The following COL7A1 variants were observed in gnomAD, a reference collection of about 807,000 sequenced individuals.
COL7A1 encodes the protein collagen alpha-1(VII) chain.
In COL7A1, 296 loss-of-function variants were observed where a neutral mutation model predicts 456.2. The observed-to-expected ratio is 0.65, with a 90% CI of 0.59 to 0.71. The LOEUF (loss-of-function observed/expected upper bound fraction) is 0.71, where lower values mean the gene tolerates loss of function less well. Among genes scored for constraint, COL7A1 ranks in the 30% least tolerant of loss-of-function variants. COL7A1 has a pLI of 0.00. For synonymous variants in COL7A1, 1,464 were observed against 1,525.9 expected, an observed-to-expected ratio of 0.96 and a Z score of 0.95; for missense variants, 3,441 against 4,017.2, an observed-to-expected ratio of 0.86 and a Z score of 3.88.
rs200115635 is a variant in COL7A1, at chr3:48,590,499, A to T, written c.1866T>A (p.Pro622=). 1.4e-5 allele frequency: 22 copies of T among 1,614,058 alleles called. No homozygotes were observed. Residue 622 remains proline, a synonymous_variant, in exon 15 of 119, where the codon CCT becomes CCA. Transcript: ENST00000681320. The surrounding 1 kb of genome is among the most constrained non-coding windows in gnomAD (Gnocchi z 4.6). The part of the protein sequence containing the change: ...TRVRVAWGPV[P]GASGFRISWS... ...AGCTAATCCGAAATCCACTGGCTCCAGGGACGGGTCCCCAGGCCACCCTCA... is the reference window on the plus strand; with the variant it reads ...AGCTAATCCGAAATCCACTGGCTCCTGGGACGGGTCCCCAGGCCACCCTCA...
chr3:48,568,719 G>C lies in COL7A1; in HGVS notation c.7758+65C>G. The C allele has an allele frequency of 6.6e-7, 1 of 1,519,356 alleles. No homozygotes were observed. The highest frequency in any genetic ancestry group is 1.2e-5 in the South Asian group (1 of 83,496). 94.1% of individuals were successfully genotyped at this position (1,519,356 alleles called of 1,614,324 possible). On this transcript the variant is annotated intron_variant, in intron 104 of 118. Transcript: ENST00000681320. The surrounding 1 kb of genome is among the most constrained non-coding windows in gnomAD (Gnocchi z 5.2). ...CCCCAGCACTTAAGAGGACCCCCAG[G>C]ATATGTGTGTGTGTGATGCTGGCTC...
In COL7A1 at chr3:48,591,633, C is replaced by T; in HGVS notation, c.1507+40G>A. 1 of 1,613,592 alleles carries T rather than the reference C, an allele frequency of 6.2e-7. No homozygotes were observed. The highest frequency in any genetic ancestry group is 8.5e-7 in the Non-Finnish European group (1 of 1,179,986). On this transcript the variant is annotated intron_variant, in intron 12 of 118. Transcript: ENST00000681320. The surrounding 1 kb of genome is among the most constrained non-coding windows in gnomAD (Gnocchi z 7.0). ...GCATAGAGGCAGCCTGGGGCTCCGA[C>T]ACCTCCCCCACTCACTGGCCCAGCC... is the stretch of plus-strand genomic sequence containing the variant.
At position 48,567,064 on chromosome 3, in the gene COL7A1, G is replaced by C. The variant is rs375166730; in HGVS notation, c.8110-41C>G. ...ACAGAGTCAGTAATCAGAGGCCCCA[G>C]AGATGGACCCTCTCCCAAAGTGCAC... On this transcript the variant is annotated intron_variant, in intron 110 of 118. Coordinates refer to ENST00000681320, the MANE Select transcript of COL7A1 (RefSeq NM_000094.4). The surrounding 1 kb of genome is among the most constrained non-coding windows in gnomAD (Gnocchi z 4.3). 39 of 1,611,994 alleles carry C rather than the reference G, an allele frequency of 2.4e-5. No individual in the cohort carries two copies. The African/African-American group carries it at 4.0e-4, about 17-fold the overall frequency.
Position 48,572,470 on chromosome 3 carries a change from C to A in COL7A1, c.6936+33G>T. On this transcript the variant is annotated intron_variant, in intron 89 of 118. Coordinates refer to ENST00000681320, the MANE Select transcript of COL7A1 (RefSeq NM_000094.4). The surrounding 1 kb of genome is among the most constrained non-coding windows in gnomAD (Gnocchi z 4.6). ...GGATTCCTTGGCCCCCACCAGTTGA[C>A]CCCCCCTCACTGGCAGCCCCACACA... The A allele has an allele frequency of 6.2e-7, 1 of 1,613,014 alleles. No homozygotes were observed.
Position 48,578,021 on chromosome 3 carries a change from A to C in COL7A1, c.5532+300T>G, listed in dbSNP as rs757170549. On this transcript the variant is annotated intron_variant, in intron 65 of 118. Transcript: ENST00000681320. This position sits in a 1 kb window ranked among gnomAD's most constrained non-coding sequence, Gnocchi z 4.7. ...CTCTACTAAAAATACAAAATTAGCC[A>C]GGCATGGTGGCGCATGCCTGTAATC... Among the ~76,000 whole-genome samples, 16 of 152,138 alleles carry C rather than the reference A, an allele frequency of 1.1e-4. No homozygotes were observed. Among genetic ancestry groups the C allele is most frequent in the Non-Finnish European group, 1.8e-4 (12 of 68,022 alleles).
In COL7A1 at chr3:48,578,246, G is replaced by A; in HGVS notation, c.5532+75C>T. 6.4e-7 allele frequency: 1 copy of A among 1,553,480 alleles called. No individual in the cohort carries two copies. The highest frequency in any genetic ancestry group is 8.9e-7 in the Non-Finnish European group (1 of 1,129,546). Reference sequence around the variant, plus strand: ...TGTCTACACGTGTGCCTCATGTGTTGCTACAGATCTTGGCTGTGTAGGTGT... The same window carrying A: ...TGTCTACACGTGTGCCTCATGTGTTACTACAGATCTTGGCTGTGTAGGTGT... On this transcript the variant is annotated intron_variant, in intron 65 of 118. Coordinates refer to ENST00000681320, the MANE Select transcript of COL7A1 (RefSeq NM_000094.4). The surrounding 1 kb of genome is among the most constrained non-coding windows in gnomAD (Gnocchi z 4.7).
chr3:48,579,876 G>A lies in COL7A1; in HGVS notation c.5125-62C>T. On this transcript the variant is annotated intron_variant, in intron 57 of 118. Coordinates refer to ENST00000681320, the MANE Select transcript of COL7A1 (RefSeq NM_000094.4). This position sits in a 1 kb window ranked among gnomAD's most constrained non-coding sequence, Gnocchi z 4.4. The stretch of plus-strand genomic sequence containing the variant: ...CAAGGGGAAGAGGAGTTGGCGAGGG[G>A]ATACAGGGTCTGTGAGGGGCTCCAG... The A allele has an allele frequency of 6.2e-7, 1 of 1,612,762 alleles. No homozygotes were observed. Among genetic ancestry groups the A allele is most frequent in the South Asian group, 1.1e-5 (1 of 91,038 alleles).
Position 48,564,573 on chromosome 3 carries a change from G to A in COL7A1, c.8819-151C>T, listed in dbSNP as rs746734724. The A allele has an allele frequency of 4.6e-6, 5 of 1,091,370 alleles. No individual in the cohort carries two copies. Among genetic ancestry groups the A allele is most frequent in the Admixed American group, 4.0e-5 (2 of 49,792 alleles). The allele number at this position is 1,091,370 out of a possible 1,614,324, so 67.6% of individuals were successfully genotyped here. A position where few individuals can be genotyped will look rare whatever the true frequency, so the allele number is the denominator to read the frequency against. On this transcript the variant is annotated intron_variant, in intron 118 of 118. Coordinates refer to ENST00000681320, the MANE Select transcript of COL7A1 (RefSeq NM_000094.4). The surrounding 1 kb of genome is among the most constrained non-coding windows in gnomAD (Gnocchi z 6.0). ...GGTCCATACTTAGGTCTTTAAAGGAGGGAACATGGAAGGGGACCCTACTGG... is the reference window on the plus strand; with the variant it reads ...GGTCCATACTTAGGTCTTTAAAGGAAGGAACATGGAAGGGGACCCTACTGG...
In COL7A1 at chr3:48,585,999, G is replaced by A. The variant is rs1433614871; in HGVS notation, c.3724-24C>T. 1 of 1,613,656 alleles carries A rather than the reference G, an allele frequency of 6.2e-7. No homozygotes were observed. Among genetic ancestry groups the A allele is most frequent in the Non-Finnish European group, 8.5e-7 (1 of 1,180,034 alleles). Reference sequence around the variant, plus strand: ...GGCTGCGGACATAGGGTCTCTTTGAGGTTGAACATTTCTACCAAGAACCCC... The same window carrying A: ...GGCTGCGGACATAGGGTCTCTTTGAAGTTGAACATTTCTACCAAGAACCCC... On this transcript the variant is annotated intron_variant, in intron 28 of 118. Transcript: ENST00000681320. This position sits in a 1 kb window ranked among gnomAD's most constrained non-coding sequence, Gnocchi z 4.5.
rs2044623288 is a variant in COL7A1 at position 48,579,984 on chromosome 3, G to A, written c.5124+47C>T. ...AGGGGACATGATGTGGAGCCAAAGGGGCAAGTGAGAACAATGACAGAGGAC... is the reference window on the plus strand; with the variant it reads ...AGGGGACATGATGTGGAGCCAAAGGAGCAAGTGAGAACAATGACAGAGGAC... On this transcript the variant is annotated intron_variant, in intron 57 of 118. Coordinates refer to ENST00000681320, the MANE Select transcript of COL7A1 (RefSeq NM_000094.4). This position sits in a 1 kb window ranked among gnomAD's most constrained non-coding sequence, Gnocchi z 4.4. The A allele has an allele frequency of 6.2e-7, 1 of 1,613,496 alleles. No individual in the cohort carries two copies. The highest frequency in any genetic ancestry group is 1.7e-5 in the Admixed American group (1 of 59,990).
Position 48,566,162 on chromosome 3 carries a change from TC to T in COL7A1, c.8407+104del. ...ATGTGTCCTTCTGTGTATCCATCCA[TC>T]CCCCCATCTTCTTGACTGCTTGCCC... On this transcript the variant is annotated intron_variant, in intron 114 of 118. Coordinates refer to ENST00000681320, the MANE Select transcript of COL7A1 (RefSeq NM_000094.4). This position sits in a 1 kb window ranked among gnomAD's most constrained non-coding sequence, Gnocchi z 5.9. 5 of 1,198,004 alleles carry T rather than the reference TC, an allele frequency of 4.2e-6. No homozygotes were observed. Among genetic ancestry groups the T allele is most frequent in the South Asian group, 2.6e-5 (2 of 76,882 alleles). The allele number at this position is 1,198,004 out of a possible 1,614,324, so 74.2% of individuals were successfully genotyped here. A position where few individuals can be genotyped will look rare whatever the true frequency, so the allele number is the denominator to read the frequency against.
In COL7A1 at chr3:48,569,315, G is replaced by A. The variant is rs1462556663; in HGVS notation, c.7686+60C>T. 1.9e-6 allele frequency: 3 copies of A among 1,589,654 alleles called. No homozygotes were observed. ...GTCCTCCCCTCCTGCCCTCACAGAT[G>A]CTGTGGAACCACCACAGCCACAGGA... On this transcript the variant is annotated intron_variant, in intron 103 of 118. Coordinates refer to ENST00000681320, the MANE Select transcript of COL7A1 (RefSeq NM_000094.4). The surrounding 1 kb of genome is among the most constrained non-coding windows in gnomAD (Gnocchi z 4.9).
Position 48,593,694 on chromosome 3 carries a change from G to C in COL7A1, c.269C>G (p.Thr90Arg). The C allele has an allele frequency of 6.2e-7, 1 of 1,614,222 alleles. No individual in the cohort carries two copies. The highest frequency in any genetic ancestry group is 1.3e-5 in the African/African-American group (1 of 75,058). Residue 90 changes from threonine (T) to arginine (R), a missense_variant and splice_region_variant, in exon 4 of 119, where the codon ACA (threonine) becomes AGA (arginine). Physicochemically the swap from Thr to Arg is moderately conservative, Grantham distance 71 (BLOSUM62 -1). Around this residue, in one of 3 missense-constraint regions of COL7A1, gnomAD observed 913 missense variants for 1,088.2 expected, o/e 0.84. Transcript: ENST00000681320. This position sits in a 1 kb window ranked among gnomAD's most constrained non-coding sequence, Gnocchi z 4.4. ...GCCAAGTGCATCCAGGCCGAACTCT[G>C]TCCTGTTGGAGGGTAGGGGTGGCAA... ...ATVQYSDDPR[T>R]EFGLDALGSG...
In COL7A1 at chr3:48,574,196, C is replaced by T; in HGVS notation, c.6501+66G>A. 6.3e-7 allele frequency: 1 copy of T among 1,589,288 alleles called. No homozygotes were observed. Among genetic ancestry groups the T allele is most frequent in the Admixed American group, 1.7e-5 (1 of 59,990 alleles). Reference sequence around the variant, plus strand: ...ACACACACACACAGACATGCACACACACAGCAGCAGCAGCACCTAGCGGAG... The same window carrying T: ...ACACACACACACAGACATGCACACATACAGCAGCAGCAGCACCTAGCGGAG... On this transcript the variant is annotated intron_variant, in intron 80 of 118. Transcript: ENST00000681320. The surrounding 1 kb of genome is among the most constrained non-coding windows in gnomAD (Gnocchi z 5.0).
Position 48,592,572 on chromosome 3 carries a change from G to T in COL7A1, c.974C>A (p.Thr325Asn). Reference sequence around the variant, plus strand: ...CAGAGGCTGGCAGAATTGCTCACTGGTCCGAGCTGTCCCGCTCACAGCCTC... The same window carrying T: ...CAGAGGCTGGCAGAATTGCTCACTGTTCCGAGCTGTCCCGCTCACAGCCTC... ...IGEAVSGTARTTALEGPELTI... is the reference protein window; with the variant it reads ...IGEAVSGTARNTALEGPELTI... Residue 325 changes from threonine (T) to asparagine (N), a missense_variant and splice_region_variant, in exon 8 of 119, where the codon ACC becomes AAC. This residue lies in a region of COL7A1 where 913 missense variants were observed against 1,088.2 expected (regional missense o/e 0.84). Coordinates refer to ENST00000681320, the MANE Select transcript of COL7A1 (RefSeq NM_000094.4). The surrounding 1 kb of genome is among the most constrained non-coding windows in gnomAD (Gnocchi z 7.6). 1 of 1,613,966 alleles carries T rather than the reference G, an allele frequency of 6.2e-7. No homozygotes were observed. Among genetic ancestry groups the T allele is most frequent in the Admixed American group, 1.7e-5 (1 of 60,030 alleles).
chr3:48,589,627 T>A lies in COL7A1; in HGVS notation c.2142A>T (p.Gly714=). 6.2e-7 allele frequency: 1 copy of A among 1,613,454 alleles called. No homozygotes were observed. Among genetic ancestry groups the A allele is most frequent in the Non-Finnish European group, 8.5e-7 (1 of 1,179,972 alleles). Residue 714 remains glycine (G), a synonymous_variant, in exon 17 of 119, where the codon GGA becomes GGT. Coordinates refer to ENST00000681320, the MANE Select transcript of COL7A1 (RefSeq NM_000094.4). ...ITWTRVPGAT[G]YRVSWHSAHG... Reference sequence around the variant, plus strand: ...GGGCTGAGTGCCAGGAAACCCTGTATCCTGTGGCGCCAGGAACCCTGGTCC... The same window carrying A: ...GGGCTGAGTGCCAGGAAACCCTGTAACCTGTGGCGCCAGGAACCCTGGTCC...
At position 48,569,231 on chromosome 3, in the gene COL7A1, G is replaced by A. The variant is rs556084782; in HGVS notation, c.7686+144C>T. ...AGCCCTCCCTAGAGCCCCTCCTCTC[G>A]GCCACTCCATAGTCAGCCACAGAAC... On this transcript the variant is annotated intron_variant, in intron 103 of 118. Coordinates refer to ENST00000681320, the MANE Select transcript of COL7A1 (RefSeq NM_000094.4). The surrounding 1 kb of genome is among the most constrained non-coding windows in gnomAD (Gnocchi z 4.9). 9.9e-5 allele frequency: 100 copies of A among 1,008,078 alleles called. No homozygotes were observed. In the South Asian group the frequency reaches 1.3e-3, roughly 14 times the overall value. 62.4% of individuals were successfully genotyped at this position (1,008,078 alleles called of 1,614,324 possible).
In COL7A1 at chr3:48,593,347, G is replaced by C. The variant is rs368959634; in HGVS notation, c.520+9C>G. ...CCCAGCTGACCTGTCACTCCTGCTC[G>C]GTCCTTACCCACAGCAAATAGCTTG... On this transcript the variant is annotated intron_variant, in intron 5 of 118. Transcript: ENST00000681320. This position sits in a 1 kb window ranked among gnomAD's most constrained non-coding sequence, Gnocchi z 4.4. 6.2e-7 allele frequency: 1 copy of C among 1,613,908 alleles called. No individual in the cohort carries two copies. The highest frequency in any genetic ancestry group is 1.1e-5 in the South Asian group (1 of 91,066).
At position 48,590,418 on chromosome 3, in the gene COL7A1, A is replaced by T; in HGVS notation, c.1906+41T>A. Reference sequence around the variant, plus strand: ...TGTCCCCTCTGGCACCCATACCCTCATTGGTCCCTTTGGCAGTCCCCCCAC... The same window carrying T: ...TGTCCCCTCTGGCACCCATACCCTCTTTGGTCCCTTTGGCAGTCCCCCCAC... On this transcript the variant is annotated intron_variant, in intron 15 of 118. Coordinates refer to ENST00000681320, the MANE Select transcript of COL7A1 (RefSeq NM_000094.4). The surrounding 1 kb of genome is among the most constrained non-coding windows in gnomAD (Gnocchi z 4.6). 6.2e-7 allele frequency: 1 copy of T among 1,613,992 alleles called. No homozygotes were observed.
Sources: allele counts gnomAD v4.1 joint callset (sites outside exome capture counted in the v4.1 genomes callset), GRCh38; gene constraint gnomAD v4.1.1; regional missense constraint gnomAD v4.1.1; non-coding constraint Gnocchi (gnomAD v3.1); transcripts MANE v1.5; gene names NCBI Gene and HGNC (gene_info 2026-07-23, HGNC 2026-07-21).